The following ZAN variants were observed in gnomAD, a reference collection of about 807,000 sequenced individuals.
The protein encoded by ZAN is zonadhesin, also known as zonadhesin (gene/pseudogene).
ZAN carries 260 observed loss-of-function variants against 286.2 expected under a neutral mutation model. The observed-to-expected ratio is 0.91, with a 90% CI of 0.82 to 1.01. The LOEUF is 1.01. ZAN is among the 50% of genes least tolerant of loss of function. The pLI is 0.00. For synonymous variants in ZAN, 1,368 were observed against 1,417.5 expected (o/e 0.97, Z 0.79); for missense variants, 3,410 against 3,639.2 (o/e 0.94, Z 1.62).
rs377330324 is a variant in ZAN, at chr7:100,784,755, C to T, written c.6755C>T (p.Pro2252Leu). 2.5e-6 allele frequency: 4 copies of T among 1,613,766 alleles called. No homozygotes were observed. In the African/African-American group the frequency reaches 5.3e-5, roughly 22 times the overall value. Residue 2252 changes from proline to leucine, a missense_variant, in exon 36 of 48, where the codon CCC becomes CTC. By Grantham distance (98) the Pro-to-Leu change is moderately conservative. This residue lies in a region of ZAN where 1,289 missense variants were observed against 1,314.3 expected (regional missense o/e 0.98). Coordinates refer to ENST00000613979, the MANE Select transcript of ZAN (RefSeq NM_003386.3). ...TGCGCTGAGGGCTGCATTTGTCAGC[C>T]CGGCTATGTGCTGAGTGAAGACAAG... ...SACAEGCICQ[P>L]GYVLSEDKCV... is the part of the protein sequence containing the mutation.
At chr7:100,753,756 C>G (rs1808955320) in intron 14 of ZAN, among the ~76,000 whole-genome samples, 1 of 149,280 alleles carries the variant, frequency 6.7e-6, no homozygotes, top group South Asian at 2.1e-4. Context: ...TCACTTGAGC[C>G]TAGGAGGCTG....
In ZAN at chr7:100,737,312, G is replaced by T; in HGVS notation, c.576G>T (p.Leu192=). ...RGSTAYLDIA[L]DALSIRRGSC... ...GCACTGCCTACCTGGACATCGCCCT[G>T]GATGCCCTCTCTATCCGCCGGGGCT... The change falls in exon 6 of 48, where the codon CTG becomes CTT. Residue 192 remains leucine (L), a synonymous_variant. Coordinates refer to ENST00000613979, the MANE Select transcript of ZAN (RefSeq NM_003386.3). 3 of 1,487,328 alleles carry T rather than the reference G, an allele frequency of 2.0e-6. 1 individual carries two copies. The highest frequency in any genetic ancestry group is 2.8e-6 in the Non-Finnish European group (3 of 1,088,220). The allele number at this position is 1,487,328 out of a possible 1,614,324, so 92.1% of individuals were successfully genotyped here.
chr7:100,796,468 G>A (rs1476292179), intron 45 of ZAN, among the ~76,000 whole-genome samples: 1 of 148,492 alleles, frequency 6.7e-6, no homozygotes, highest in East Asian at 2.0e-4. Flanking sequence ...CCAGGCTGGA[G>A]TGCAGTGGCG....
intron 33 of ZAN, 151 bp from the exon 34 acceptor site, chr7:100,776,289 G>A: frequency 8.3e-7 from 1 of 1,203,404 alleles, no homozygotes; most frequent in Non-Finnish European, 1.1e-6. Flanking sequence ...CTGCACTCCA[G>A]GCTGGGTGAC....
chr7:100,795,199 G>A lies in ZAN; in HGVS notation c.8129G>A (p.Ser2710Asn), dbSNP rs1398157090. Residue 2710 changes from serine to asparagine, a missense_variant, in exon 45 of 48, where the codon AGC (serine) becomes AAC (asparagine). Ser to Asn is a conservative substitution (Grantham distance 46, BLOSUM62 1). Around this residue, in one of 7 missense-constraint regions of ZAN, gnomAD observed 1,289 missense variants for 1,314.3 expected, o/e 0.98. Coordinates refer to ENST00000613979, the MANE Select transcript of ZAN (RefSeq NM_003386.3). Reference sequence around the variant, plus strand: ...ACAACCCTCTCTGTCCTTGCAGAAAGCCCGTGTCTGCAGAACCCCTGTCAG... The same window carrying A: ...ACAACCCTCTCTGTCCTTGCAGAAAACCCGTGTCTGCAGAACCCCTGTCAG... ...GNHTQGCFPE[S>N]PCLQNPCQND... 1.9e-6 allele frequency: 3 copies of A among 1,607,138 alleles called. No individual in the cohort carries two copies. The highest frequency in any genetic ancestry group is 1.7e-5 in the Admixed American group (1 of 59,386).
At chr7:100,771,756 T>A (rs1810379149) in intron 28 of ZAN, 88 bp from the exon 29 acceptor site, 2 of 1,396,616 alleles carry the variant, frequency 1.4e-6, no homozygotes, top group South Asian at 2.7e-5. Flanking sequence ...TTGACTGAAG[T>A]GGATGTCGAA....
chr7:100,734,978 G>A (rs1404979404), intron 2 of ZAN, among the ~76,000 whole-genome samples: 1 of 139,750 alleles, frequency 7.2e-6, no homozygotes, highest in East Asian at 2.1e-4. Flanking sequence ...CTGAGGTCAG[G>A]TGTTGAGACC....
chr7:100,797,324 C>T (rs768032141), intron 45 of ZAN, 42 bp from the exon 46 acceptor site: 15 of 1,592,848 alleles, frequency 9.4e-6, no homozygotes, highest in Middle Eastern at 1.8e-4. Context: ...CCACCCTTCC[C>T]GTCTCACGTT....
intron 11 of ZAN, among the ~76,000 whole-genome samples, chr7:100,750,018 T>C (rs1808534136): frequency 7.5e-6 from 1 of 133,212 alleles, no homozygotes; most frequent in Admixed American, 8.0e-5. Flanking sequence ...GTCACTGCAC[T>C]CCAGCCTGGG....
At chr7:100,770,163 C>G (rs1349049689) in intron 28 of ZAN, among the ~76,000 whole-genome samples, 189 bp downstream of exon 28, 2 of 151,796 alleles carry the variant, frequency 1.3e-5, no homozygotes. Flanking sequence ...GTATTTGTGT[C>G]TCAGGCAGTA....
chr7:100,764,429 A>C (rs1432582503), intron 22 of ZAN, among the ~76,000 whole-genome samples: 3 of 152,128 alleles, frequency 2.0e-5, no homozygotes, highest in Non-Finnish European at 2.9e-5. Flanking sequence ...CGGGAGGCAG[A>C]GGTTGCAGTG....
chr7:100,734,835 A>G (rs1807194859), intron 2 of ZAN, among the ~76,000 whole-genome samples: 1 of 140,384 alleles, frequency 7.1e-6, no homozygotes, highest in South Asian at 2.2e-4. Flanking sequence ...GGAAACGGAC[A>G]AGACCCAGGG....
intron 7 of ZAN, among the ~76,000 whole-genome samples, chr7:100,738,993 T>C (rs149685009): frequency 0.1 from 3,242 of 32,538 alleles, 588 homozygotes; most frequent in East Asian, 0.3. Context: ...CTCCCTCTCC[T>C]TCTCCTTCTC....
rs1301974029 is a variant in ZAN at position 100,763,916 on chromosome 7, A to G, written c.4097A>G (p.Glu1366Gly). The change falls in exon 21 of 48, where the codon GAG (glutamate) becomes GGG (glycine). Residue 1366 changes from glutamate to glycine, a missense_variant and splice_region_variant. Around this residue, in one of 7 missense-constraint regions of ZAN, gnomAD observed 1,042 missense variants for 1,058.0 expected, o/e 0.98. Transcript: ENST00000613979. The surrounding 1 kb of genome is among the most constrained non-coding windows in gnomAD (Gnocchi z 4.6). ...GRLVDTHGPF[E>G]TCLLHVKAAS... is the part of the protein sequence containing the mutation. ...CTGGTCGACACTCATGGCCCATTTG[A>G]GTATGAAGGAGGGCAGGCAGGGTCG... is the stretch of plus-strand genomic sequence containing the variant. The G allele has an allele frequency of 6.2e-7, 1 of 1,613,668 alleles. No homozygotes were observed. The highest frequency in any genetic ancestry group is 1.7e-5 in the Admixed American group (1 of 59,980).
At chr7:100,779,086 C>G (rs950532612) in intron 34 of ZAN, among the ~76,000 whole-genome samples, 1 of 151,682 alleles carries the variant, frequency 6.6e-6, no homozygotes, top group Non-Finnish European at 1.5e-5. Flanking sequence ...GGCTGTAATC[C>G]CGGCTACTCG....
chr7:100,773,841 G>A lies in ZAN; in HGVS notation c.5755G>A (p.Gly1919Arg). ...KPNQICWALD[G>R]LLHCRASGVG... ...CAACCAGATATGCTGGGCCCTGGAT[G>A]GGCTGCTCCATTGTCGGGCCTCAGG... Residue 1919 changes from glycine to arginine, a missense_variant, in exon 31 of 48, where the codon GGG becomes AGG. This residue lies in a region of ZAN where 1,289 missense variants were observed against 1,314.3 expected (regional missense o/e 0.98). Coordinates refer to ENST00000613979, the MANE Select transcript of ZAN (RefSeq NM_003386.3). The A allele has an allele frequency of 6.5e-7, 1 of 1,545,358 alleles. No individual in the cohort carries two copies. Among genetic ancestry groups the A allele is most frequent in the Non-Finnish European group, 8.7e-7 (1 of 1,150,650 alleles).
At chr7:100,761,870 T>C (rs10280858) in intron 19 of ZAN, among the ~76,000 whole-genome samples, 116 of 150,600 alleles carry the variant, frequency 7.7e-4, no homozygotes, top group African/African-American at 2.8e-3. Context: ...ACCCGGGAGG[T>C]GGAGGTTGCA....
chr7:100,791,392 T>C (rs920997611), intron 40 of ZAN, among the ~76,000 whole-genome samples: 3 of 151,234 alleles, frequency 2.0e-5, no homozygotes, highest in South Asian at 2.1e-4. Context: ...TCCTCCTCCT[T>C]CTCCTCCTCC....
chr7:100,794,120 C>T lies in ZAN; in HGVS notation c.7987C>T (p.Leu2663=), dbSNP rs1265533961. The T allele has an allele frequency of 1.9e-6, 3 of 1,613,912 alleles. No homozygotes were observed. The highest frequency in any genetic ancestry group is 3.3e-5 in the Admixed American group (2 of 60,000). The change falls in exon 44 of 48, where the codon CTG becomes TTG. Residue 2663 remains leucine (L), a splice_region_variant and synonymous_variant. Coordinates refer to ENST00000613979, the MANE Select transcript of ZAN (RefSeq NM_003386.3). ...TCCTCCTGGCCCTTCCCCTTTCTAG[C>T]TGGGCAGCAGCTTTCTGACTGAGGA... The part of the protein sequence containing the change: ...GCTSNGIYYQ[L]GSSFLTEDCS...
Sources: allele counts gnomAD v4.1 joint callset (sites outside exome capture counted in the v4.1 genomes callset), GRCh38; gene constraint gnomAD v4.1.1; regional missense constraint gnomAD v4.1.1; non-coding constraint Gnocchi (gnomAD v3.1); transcripts MANE v1.5; gene names NCBI Gene and HGNC (gene_info 2026-07-23, HGNC 2026-07-21).